Variants in GNL1 observed in about 807,000 individuals in gnomAD.
The protein encoded by GNL1 is guanine nucleotide-binding protein-like 1.
A neutral mutation model predicts 75.2 loss-of-function variants in GNL1; 21 were observed. The ratio of observed to expected loss-of-function variants is 0.28; its 90% CI spans 0.20 to 0.40. The LOEUF is 0.40. GNL1 is among the 10% of genes least tolerant of loss of function. The pLI is 1.00. For missense variants in GNL1, 579 were observed against 775.0 expected (o/e 0.75, Z 3.00); for synonymous variants, 287 against 303.4 (o/e 0.95, Z 0.56).
In GNL1 at chr6:30,555,703, G is replaced by A. The variant is rs1161950556; in HGVS notation, c.91C>T (p.Arg31Cys). 3.1e-6 allele frequency: 5 copies of A among 1,613,478 alleles called. No individual in the cohort carries two copies. Among genetic ancestry groups the A allele is most frequent in the South Asian group, 1.1e-5 (1 of 91,078 alleles). Residue 31 changes from arginine (R) to cysteine (C), a missense_variant, in exon 2 of 12, where the codon CGC becomes TGC. Arg to Cys is a radical substitution (Grantham distance 180, BLOSUM62 -3). Coordinates refer to ENST00000376621, the MANE Select transcript of GNL1 (RefSeq NM_005275.5). This position sits in a 1 kb window ranked among gnomAD's most constrained non-coding sequence, Gnocchi z 4.3. ...ERKRGLQDGL[R>C]SSSNSRSGSR... ...CCGCTGCGGCTGTTGGAACTGGAGC[G>A]CAGCCCATCTTGAAGCCCTGCGGGG...
Position 30,545,956 on chromosome 6 carries a change from G to GAA in GNL1, c.*114_*115dup. 1.3e-6 allele frequency: 1 copy of GAA among 754,382 alleles called. No homozygotes were observed. The highest frequency in any genetic ancestry group is 1.7e-5 in the South Asian group (1 of 59,798). 46.7% of individuals were successfully genotyped at this position (754,382 alleles called of 1,614,324 possible). On this transcript the variant is annotated 3_prime_UTR_variant, in exon 12 of 12. Coordinates refer to ENST00000376621, the MANE Select transcript of GNL1 (RefSeq NM_005275.5). ...CCGCTCTCACCTCAGTTCATCTGGG[G>GAA]AAGGGGCTACAAAGCAAACAATCTT...
Position 30,554,855 on chromosome 6 carries a change from C to T in GNL1, c.437G>A (p.Ser146Asn), listed in dbSNP as rs757979273. The stretch of plus-strand genomic sequence containing the variant: ...GTCTTGGAAGCTCCGTTCCTCTTGG[C>T]TCATTAGTTGCTCCTTGGACATCTC... Reference protein sequence around the residue: ...SYEMSKEQLMSQEERSFQDYL... With the variant: ...SYEMSKEQLMNQEERSFQDYL... The change falls in exon 4 of 12, where the codon AGC becomes AAC. Residue 146 changes from serine to asparagine, a missense_variant. Physicochemically the swap from Ser to Asn is conservative, Grantham distance 46 (BLOSUM62 1). Transcript: ENST00000376621. The T allele has an allele frequency of 1.9e-6, 3 of 1,612,390 alleles. No homozygotes were observed. The African/African-American group carries it at 4.0e-5, about 22-fold the overall frequency.
chr6:30,546,914 C>T lies in GNL1; in HGVS notation c.1442-78G>A. The T allele has an allele frequency of 2.3e-6, 3 of 1,318,190 alleles. No homozygotes were observed. The highest frequency in any genetic ancestry group is 3.2e-6 in the Non-Finnish European group (3 of 938,996). 81.7% of individuals were successfully genotyped at this position (1,318,190 alleles called of 1,614,324 possible). A position where few individuals can be genotyped will look rare whatever the true frequency, so the allele number is the denominator to read the frequency against. On this transcript the variant is annotated intron_variant, in intron 10 of 11. Transcript: ENST00000376621. This position sits in a 1 kb window ranked among gnomAD's most constrained non-coding sequence, Gnocchi z 5.1. ...ATACTCCCACTCCCATAACACAGTC[C>T]TTCCAGTTTTCCCCAAAACATTCCA...
At position 30,546,822 on chromosome 6, in the gene GNL1, G is replaced by T; in HGVS notation, c.1456C>A (p.Arg486Ser). The change falls in exon 11 of 12, where the codon CGT becomes AGT. Residue 486 changes from arginine to serine, a missense_variant. Physicochemically the swap from Arg to Ser is moderately radical, Grantham distance 110. Coordinates refer to ENST00000376621, the MANE Select transcript of GNL1 (RefSeq NM_005275.5). The surrounding 1 kb of genome is among the most constrained non-coding windows in gnomAD (Gnocchi z 5.1). Reference protein sequence around the residue: ...WDICEAWAEKRGYKTAKAARN... With the variant: ...WDICEAWAEKSGYKTAKAARN... The stretch of plus-strand genomic sequence containing the variant: ...GCCGCCTTGGCTGTCTTGTAACCAC[G>T]TTTCTCTGCCCAGGCTGGAGGAAGA... 1 of 1,590,116 alleles carries T rather than the reference G, an allele frequency of 6.3e-7. No homozygotes were observed. Among genetic ancestry groups the T allele is most frequent in the South Asian group, 1.1e-5 (1 of 90,048 alleles).
At chr6:30,551,933 G>A (rs545871358) in intron 8 of GNL1, among the ~76,000 whole-genome samples, 5 of 152,104 alleles carry the variant, frequency 3.3e-5, no homozygotes, top group Middle Eastern at 3.4e-3. Context: ...CACAATCATA[G>A]CTCACTGCAG....
chr6:30,555,086 C>T lies in GNL1; in HGVS notation c.345G>A (p.Leu115=). 1 of 1,613,044 alleles carries T rather than the reference C, an allele frequency of 6.2e-7. No homozygotes were observed. The highest frequency in any genetic ancestry group is 8.5e-7 in the Non-Finnish European group (1 of 1,180,024). The change falls in exon 3 of 12, where the codon CTG becomes CTA. Residue 115 remains leucine (L), a synonymous_variant. Coordinates refer to ENST00000376621, the MANE Select transcript of GNL1 (RefSeq NM_005275.5). The surrounding 1 kb of genome is among the most constrained non-coding windows in gnomAD (Gnocchi z 4.3). ...CAGGCTGATACACCTCCCGGATGTCCAGCTCCAACAACTCAGCACTGACCG... is the reference window on the plus strand; with the variant it reads ...CAGGCTGATACACCTCCCGGATGTCTAGCTCCAACAACTCAGCACTGACCG... ...LQPVSAELLE[L]DIREVYQPGS...
chr6:30,553,770 T>C (rs1799952508), intron 5 of GNL1, among the ~76,000 whole-genome samples: 1 of 152,130 alleles, frequency 6.6e-6, no homozygotes, highest in African/African-American at 2.4e-5. Flanking sequence ...AGGTCATGAT[T>C]AGAGATGGAA....
At position 30,556,442 on chromosome 6, in the gene GNL1, G is replaced by A; in HGVS notation, c.-239C>T. On this transcript the variant is annotated 5_prime_UTR_variant, in exon 1 of 12. Transcript: ENST00000376621. This position sits in a 1 kb window ranked among gnomAD's most constrained non-coding sequence, Gnocchi z 5.7. ...GAGGATGATGCGGGGTGGGCTACTG[G>A]CACGTGAGAGCCAGTGGCACCGAGA... 1.7e-6 allele frequency: 1 copy of A among 583,626 alleles called. No individual in the cohort carries two copies. The highest frequency in any genetic ancestry group is 3.0e-6 in the Non-Finnish European group (1 of 329,120). 36.2% of individuals were successfully genotyped at this position (583,626 alleles called of 1,614,324 possible).
Position 30,556,453 on chromosome 6 carries a change from C to T in GNL1, c.-250G>A. 1 of 572,452 alleles carries T rather than the reference C, an allele frequency of 1.7e-6. No individual in the cohort carries two copies. The highest frequency in any genetic ancestry group is 3.1e-6 in the Non-Finnish European group (1 of 322,062). 35.5% of individuals were successfully genotyped at this position (572,452 alleles called of 1,614,324 possible). ...GGGGTGGGCTACTGGCACGTGAGAGCCAGTGGCACCGAGAGGGCGCCCCGG... is the reference window on the plus strand; with the variant it reads ...GGGGTGGGCTACTGGCACGTGAGAGTCAGTGGCACCGAGAGGGCGCCCCGG... On this transcript the variant is annotated 5_prime_UTR_variant, in exon 1 of 12. Coordinates refer to ENST00000376621, the MANE Select transcript of GNL1 (RefSeq NM_005275.5). This position sits in a 1 kb window ranked among gnomAD's most constrained non-coding sequence, Gnocchi z 5.7.
chr6:30,556,205 G>C lies in GNL1; in HGVS notation c.-2C>G. 1 of 1,603,504 alleles carries C rather than the reference G, an allele frequency of 6.2e-7. No individual in the cohort carries two copies. The highest frequency in any genetic ancestry group is 8.5e-7 in the Non-Finnish European group (1 of 1,179,704). On this transcript the variant is annotated 5_prime_UTR_variant, in exon 1 of 12. Coordinates refer to ENST00000376621, the MANE Select transcript of GNL1 (RefSeq NM_005275.5). This position sits in a 1 kb window ranked among gnomAD's most constrained non-coding sequence, Gnocchi z 5.7. ...GCTGAATGGCTTCTTCCTCGGCATG[G>C]CCCGGACCAGTCACCTGGCCCGCCC... is the stretch of plus-strand genomic sequence containing the variant.
At position 30,547,475 on chromosome 6, in the gene GNL1, G is replaced by T. The variant is rs776099909; in HGVS notation, c.1155C>A (p.Val385=). 6.2e-7 allele frequency: 1 copy of T among 1,613,390 alleles called. No individual in the cohort carries two copies. The highest frequency in any genetic ancestry group is 8.5e-7 in the Non-Finnish European group (1 of 1,179,796). ...SLINGLVGRK[V]VSVSRTPGHT... is the part of the protein sequence containing the mutation. ...GGCCCGGGGTTCTGGAGACACTCAC[G>T]ACTTTCCGCCCCACCAGCCCATTGA... is the stretch of plus-strand genomic sequence containing the variant. Residue 385 remains valine, a synonymous_variant, in exon 9 of 12, where the codon GTC becomes GTA. Transcript: ENST00000376621. This position sits in a 1 kb window ranked among gnomAD's most constrained non-coding sequence, Gnocchi z 5.5.
Position 30,554,863 on chromosome 6 carries a change from T to C in GNL1, c.429A>G (p.Gln143=), listed in dbSNP as rs1192998585. Residue 143 remains glutamine, a synonymous_variant, in exon 4 of 12, where the codon CAA becomes CAG. Coordinates refer to ENST00000376621, the MANE Select transcript of GNL1 (RefSeq NM_005275.5). ...AGCTCCGTTCCTCTTGGCTCATTAG[T>C]TGCTCCTTGGACATCTCATAGCTCC... ...PPWSYEMSKE[Q]LMSQEERSFQ... 1.2e-6 allele frequency: 2 copies of C among 1,612,492 alleles called. No individual in the cohort carries two copies. The highest frequency in any genetic ancestry group is 2.2e-5 in the East Asian group (1 of 44,888).
At position 30,552,458 on chromosome 6, in the gene GNL1, C is replaced by A. The variant is rs1481463307; in HGVS notation, c.1099+9G>T. ...GGAGGCCACCACGCACAAGCTGCCACTTCCTTACCCACACAGCCGATGGTC... is the reference window on the plus strand; with the variant it reads ...GGAGGCCACCACGCACAAGCTGCCAATTCCTTACCCACACAGCCGATGGTC... On this transcript the variant is annotated intron_variant, in intron 8 of 11. Coordinates refer to ENST00000376621, the MANE Select transcript of GNL1 (RefSeq NM_005275.5). This position sits in a 1 kb window ranked among gnomAD's most constrained non-coding sequence, Gnocchi z 4.5. 1 of 1,607,758 alleles carries A rather than the reference C, an allele frequency of 6.2e-7. No individual in the cohort carries two copies. The highest frequency in any genetic ancestry group is 1.1e-5 in the South Asian group (1 of 90,610).
Position 30,544,183 on chromosome 6 carries a change from G to A in GNL1, c.*1889C>T, listed in dbSNP as rs1799324949. Reference sequence around the variant, plus strand: ...GGTTTTACAGTCTAACCCTGTGGGGGTGTCAGGAGTTGCCTCCTGCCAGGT... The same window carrying A: ...GGTTTTACAGTCTAACCCTGTGGGGATGTCAGGAGTTGCCTCCTGCCAGGT... On this transcript the variant is annotated 3_prime_UTR_variant, in exon 12 of 12. Coordinates refer to ENST00000376621, the MANE Select transcript of GNL1 (RefSeq NM_005275.5). 6.6e-6 allele frequency: 1 copy of A among 152,102 alleles called. No individual in the cohort carries two copies. Among genetic ancestry groups the A allele is most frequent in the African/African-American group, 2.4e-5 (1 of 41,374 alleles). 9.4% of individuals were successfully genotyped at this position (152,102 alleles called of 1,614,324 possible).
rs1304079274 is a variant in GNL1, at chr6:30,555,692, G to A, written c.102C>T (p.Ser34=). 2 of 1,613,466 alleles carry A rather than the reference G, an allele frequency of 1.2e-6. No individual in the cohort carries two copies. The highest frequency in any genetic ancestry group is 1.3e-5 in the African/African-American group (1 of 74,890). The change falls in exon 2 of 12, where the codon TCC becomes TCT. Residue 34 remains serine, a synonymous_variant. Transcript: ENST00000376621. This position sits in a 1 kb window ranked among gnomAD's most constrained non-coding sequence, Gnocchi z 4.3. The stretch of plus-strand genomic sequence containing the variant: ...GCTCCCGGCTCCCGCTGCGGCTGTT[G>A]GAACTGGAGCGCAGCCCATCTTGAA... The part of the protein sequence containing the change: ...RGLQDGLRSS[S]NSRSGSRERR...
Position 30,541,696 on chromosome 6 carries a change from C to G in GNL1, c.*4376G>C, listed in dbSNP as rs1380444780. On this transcript the variant is annotated 3_prime_UTR_variant, in exon 12 of 12. Coordinates refer to ENST00000376621, the MANE Select transcript of GNL1 (RefSeq NM_005275.5). ...CATTTACCAACGGCTGTTGCGATCT[C>G]TTAATTAGCTTGAACTGAGTTTGTA... 7 of 152,216 alleles carry G rather than the reference C, an allele frequency of 4.6e-5. No homozygotes were observed. 9.4% of individuals were successfully genotyped at this position (152,216 alleles called of 1,614,324 possible).
At position 30,543,708 on chromosome 6, in the gene GNL1, C is replaced by T. The variant is rs1006627282; in HGVS notation, c.*2364G>A. The stretch of plus-strand genomic sequence containing the variant: ...ATGTCTGGCATATATTGTTTTTAAC[C>T]AATTTTTGTTGACTGTATCAATGAT... On this transcript the variant is annotated 3_prime_UTR_variant, in exon 12 of 12. Coordinates refer to ENST00000376621, the MANE Select transcript of GNL1 (RefSeq NM_005275.5). 6.6e-6 allele frequency: 1 copy of T among 151,982 alleles called. No individual in the cohort carries two copies. Among genetic ancestry groups the T allele is most frequent in the African/African-American group, 2.4e-5 (1 of 41,366 alleles). 9.4% of individuals were successfully genotyped at this position (151,982 alleles called of 1,614,324 possible).
In GNL1 at chr6:30,546,566, C is replaced by A; in HGVS notation, c.1582+130G>T. 1.3e-6 allele frequency: 1 copy of A among 792,146 alleles called. No homozygotes were observed. The allele number at this position is 792,146 out of a possible 1,614,324, so 49.1% of individuals were successfully genotyped here. On this transcript the variant is annotated intron_variant, in intron 11 of 11. Coordinates refer to ENST00000376621, the MANE Select transcript of GNL1 (RefSeq NM_005275.5). This position sits in a 1 kb window ranked among gnomAD's most constrained non-coding sequence, Gnocchi z 5.1. The stretch of plus-strand genomic sequence containing the variant: ...CTCAGTTTGCAGATCAGGAAAATAT[C>A]ACAGATGTTAAGTAACAGAGCTAGC...
At position 30,555,836 on chromosome 6, in the gene GNL1, TC is replaced by T; in HGVS notation, c.74-117del. On this transcript the variant is annotated intron_variant, in intron 1 of 11. Coordinates refer to ENST00000376621, the MANE Select transcript of GNL1 (RefSeq NM_005275.5). This position sits in a 1 kb window ranked among gnomAD's most constrained non-coding sequence, Gnocchi z 4.3. ...CTCAACTTCTTCCGATGTTCAGTCC[TC>T]CCAGACACCCTATTTGGGACCCTCC... 8.8e-7 allele frequency: 1 copy of T among 1,131,874 alleles called. No homozygotes were observed. Among genetic ancestry groups the T allele is most frequent in the Non-Finnish European group, 1.3e-6 (1 of 787,130 alleles). The allele number at this position is 1,131,874 out of a possible 1,614,324, so 70.1% of individuals were successfully genotyped here.
Sources: allele counts gnomAD v4.1 joint callset (sites outside exome capture counted in the v4.1 genomes callset), GRCh38; gene constraint gnomAD v4.1.1; non-coding constraint Gnocchi (gnomAD v3.1); transcripts MANE v1.5; gene names NCBI Gene and HGNC (gene_info 2026-07-23, HGNC 2026-07-21).